Variants in PRKCA observed in about 807,000 individuals in gnomAD.
PRKCA encodes protein kinase C alpha type.
A neutral mutation model predicts 87.0 loss-of-function variants in PRKCA; 27 were observed. The ratio of observed to expected loss-of-function variants is 0.31; its 90% CI spans 0.23 to 0.43. The LOEUF (loss-of-function observed/expected upper bound fraction) is 0.43, where lower values mean the gene tolerates loss of function less well. Ranked by LOEUF, PRKCA falls within the 20% of genes least tolerant of loss-of-function variation. PRKCA has a pLI of 1.00. For synonymous variants in PRKCA, 329 were observed against 311.1 expected (o/e 1.06, Z -0.61); for missense variants, 518 against 852.3 (o/e 0.61, Z 4.88).
chr17:66,587,891 GTGTGTATATATATATATATATATATA>G (rs1969667272), intron 3 of PRKCA, among the ~76,000 whole-genome samples: 3 of 87,138 alleles, frequency 3.4e-5, no homozygotes, highest in African/African-American at 1.1e-4. Context: ...GTGTGTGTGT[GTGTGTATATATATATATATATATATA>G]TATATATATA....
At chr17:66,728,335 CA>C (rs1261191326) in intron 8 of PRKCA, among the ~76,000 whole-genome samples, 1 of 152,210 alleles carries the variant, frequency 6.6e-6, no homozygotes, top group Admixed American at 6.5e-5. Context: ...GGACCCCACA[CA>C]CCGGTCTGTC....
intron 8 of PRKCA, among the ~76,000 whole-genome samples, chr17:66,701,321 A>G (rs867105348): frequency 6.6e-6 from 1 of 152,144 alleles, no homozygotes; most frequent in African/African-American, 2.4e-5. Flanking sequence ...AGACTTAAAT[A>G]TGTAAAACCT....
intron 3 of PRKCA, among the ~76,000 whole-genome samples, chr17:66,633,320 C>T (rs765340136): frequency 2.0e-5 from 3 of 151,776 alleles, no homozygotes; most frequent in Non-Finnish European, 4.4e-5. Context: ...AAAAAAAAAA[C>T]TGCTTCCTAC....
rs1335271567 is a variant in PRKCA, at chr17:66,562,238, A to G, written c.288+65955A>G. Among the ~76,000 whole-genome samples, 4 of 114,364 alleles carry G rather than the reference A, an allele frequency of 3.5e-5. 1 individual carries two copies. The highest frequency in any genetic ancestry group is 1.2e-4 in the African/African-American group (3 of 25,514). The allele number at this position is 114,364 out of a possible 152,430, so 75.0% of individuals were successfully genotyped here. The stretch of plus-strand genomic sequence containing the variant: ...AAATTATATATAATTATATATATAT[A>G]TATCTCACCACAATAAAAAAAAAAG... On this transcript the variant is annotated intron_variant, in intron 3 of 16. Transcript: ENST00000413366.
intron 2 of PRKCA, among the ~76,000 whole-genome samples, chr17:66,332,559 A>G (rs994155813): frequency 6.6e-5 from 10 of 152,060 alleles, no homozygotes; most frequent in African/African-American, 2.2e-4. Flanking sequence ...GCTATGGAGT[A>G]TAGTGTGAGA....
chr17:66,391,749 TG>T (rs1910368983), intron 2 of PRKCA, among the ~76,000 whole-genome samples: 1 of 152,138 alleles, frequency 6.6e-6, no homozygotes. Context: ...AATGAACACT[TG>T]GGTATTCCTC....
At chr17:66,311,847 C>T (rs1378185778) in intron 2 of PRKCA, among the ~76,000 whole-genome samples, 1 of 152,156 alleles carries the variant, frequency 6.6e-6, no homozygotes, top group Non-Finnish European at 1.5e-5. Context: ...AATTTATTCA[C>T]ACATCAATCC....
At chr17:66,491,429 C>T (rs190041064) in intron 2 of PRKCA, among the ~76,000 whole-genome samples, 6 of 152,338 alleles carry the variant, frequency 3.9e-5, no homozygotes, top group Admixed American at 3.9e-4. Context: ...CAGATGGAAT[C>T]TTCCATGACA....
intron 3 of PRKCA, chr17:66,639,378 T>G (rs1001254552): frequency 6.6e-6 from 1 of 152,116 alleles, no homozygotes. Context: ...AGCTCAGAGC[T>G]CTACTATTAT....
chr17:66,335,588 CA>C (rs562281905), intron 2 of PRKCA, among the ~76,000 whole-genome samples: 191 of 129,620 alleles, frequency 1.5e-3, no homozygotes, highest in Middle Eastern at 4.0e-3. Flanking sequence ...CCCCACTGCC[CA>C]AAAAAAAAAA....
intron 2 of PRKCA, among the ~76,000 whole-genome samples, chr17:66,358,133 T>G (rs564969000): frequency 1.3e-5 from 2 of 152,282 alleles, no homozygotes; most frequent in East Asian, 3.9e-4. Flanking sequence ...CTATTCTAAT[T>G]GATACACATG....
chr17:66,573,745 G>A (rs552177176), intron 3 of PRKCA, among the ~76,000 whole-genome samples: 39 of 152,214 alleles, frequency 2.6e-4, no homozygotes, highest in Non-Finnish European at 4.1e-4. Context: ...TTTGAAGTGC[G>A]ACATTCACCC....
chr17:66,307,439 A>G (rs1477785614), intron 2 of PRKCA, among the ~76,000 whole-genome samples: 1 of 152,172 alleles, frequency 6.6e-6, no homozygotes, highest in African/African-American at 2.4e-5. Context: ...TTCTGGGCCA[A>G]TGTGATTGAC....
intron 13 of PRKCA, among the ~76,000 whole-genome samples, chr17:66,765,065 G>A (rs1268859566): frequency 6.6e-6 from 1 of 152,186 alleles, no homozygotes; most frequent in Non-Finnish European, 1.5e-5. Context: ...GCGTTTAGCA[G>A]CCAAGTTTTT....
chr17:66,324,924 A>G (rs1173816500), intron 2 of PRKCA, among the ~76,000 whole-genome samples: 1 of 152,196 alleles, frequency 6.6e-6, no homozygotes, highest in Non-Finnish European at 1.5e-5. Context: ...GGAGACAACA[A>G]TTTGCCATTC....
intron 3 of PRKCA, among the ~76,000 whole-genome samples, chr17:66,502,976 G>A (rs1432682942): frequency 6.6e-6 from 1 of 152,108 alleles, no homozygotes; most frequent in East Asian, 1.9e-4. Context: ...CAGCTTTCTC[G>A]TCAAAAGTTG....
rs1973930966 is a variant in PRKCA at position 66,732,634 on chromosome 17, A to T, written c.919-54A>T. ...CAGTTACAACACGGTGGTTTCTGTC[A>T]CTCTTTCCCCAGAAAAATGACCCAC... On this transcript the variant is annotated intron_variant, in intron 8 of 16. Transcript: ENST00000413366. 5 of 1,609,130 alleles carry T rather than the reference A, an allele frequency of 3.1e-6. No homozygotes were observed. The Admixed American group carries it at 5.1e-5, about 16-fold the overall frequency.
chr17:66,660,047 G>T (rs1023645227), intron 5 of PRKCA, among the ~76,000 whole-genome samples: 3 of 152,288 alleles, frequency 2.0e-5, no homozygotes, highest in Non-Finnish European at 4.4e-5. Flanking sequence ...CCACAGTCAT[G>T]GCTGGATTCA....
chr17:66,790,018 C>T (rs1039310885), intron 16 of PRKCA, among the ~76,000 whole-genome samples: 7 of 152,282 alleles, frequency 4.6e-5, no homozygotes, highest in Non-Finnish European at 7.4e-5. Flanking sequence ...TGCCTCTGCC[C>T]GGGGACTGCA....
Sources: gnomAD v4.1 joint callset for allele counts (sites outside exome capture counted in the v4.1 genomes callset) on GRCh38, gnomAD v4.1.1 for gene constraint, MANE v1.5 for transcripts, NCBI Gene and HGNC (gene_info 2026-07-23, HGNC 2026-07-21) for gene names.